Variants in SCN11A observed in about 807,000 individuals in gnomAD.
SCN11A encodes sodium channel protein type 11 subunit alpha.
In SCN11A, 122 loss-of-function variants were observed where a neutral mutation model predicts 162.2. The observed-to-expected ratio is 0.75, with a 90% CI of 0.65 to 0.87. The LOEUF is 0.87. Ranked by LOEUF, SCN11A falls within the 40% of genes least tolerant of loss-of-function variation. The probability of loss-of-function intolerance (pLI) is 0.00; values close to 1 mark genes in which losing one functional copy is unlikely to be tolerated. For missense variants in SCN11A, 2,015 were observed against 2,181.6 expected (o/e 0.92, Z 1.52); for synonymous variants, 758 against 751.5 (o/e 1.01, Z -0.14).
intron 21 of SCN11A, 130 bp from the exon 22 acceptor site, chr3:38,883,517 A>C (rs916020190): frequency 3.8e-6 from 3 of 790,712 alleles, no homozygotes; most frequent in Admixed American, 5.7e-5. Flanking sequence ...AAAGAAGTAG[A>C]GCATCTTTTT....
At chr3:39,010,632 C>A (rs2031104983) in intron 2 of SCN11A, among the ~76,000 whole-genome samples, 1 of 152,162 alleles carries the variant, frequency 6.6e-6, no homozygotes, top group Non-Finnish European at 1.5e-5. Context: ...CCCGCCTCGG[C>A]CTCCCAAAGT....
chr3:38,967,656 A>T (rs1471742262), intron 2 of SCN11A, among the ~76,000 whole-genome samples: 3 of 152,182 alleles, frequency 2.0e-5, no homozygotes, highest in African/African-American at 7.2e-5. Flanking sequence ...TATGCAAGGG[A>T]ACTGTCCACC....
In SCN11A at chr3:38,979,081, T is replaced by C. The variant is rs2029910428; in HGVS notation, c.-279-18658A>G. On this transcript the variant is annotated intron_variant, in intron 2 of 29. Transcript: ENST00000302328. The stretch of plus-strand genomic sequence containing the variant: ...TTCCCAGGGACAGTTTTGCATTTGT[T>C]TGTGAAATTGATTAGCCTCTGTTAT... 2.0e-5 allele frequency among the ~76,000 whole-genome samples: 3 copies of C among 152,234 alleles called. No individual in the cohort carries two copies. The South Asian group carries it at 6.2e-4, about 31-fold the overall frequency.
intron 7 of SCN11A, among the ~76,000 whole-genome samples, chr3:38,941,571 C>G (rs957914535): frequency 6.6e-6 from 1 of 152,140 alleles, no homozygotes; most frequent in Admixed American, 6.5e-5. Flanking sequence ...AAACAGGGGA[C>G]TAAACTGTGG....
chr3:38,893,362 T>C (rs1388360168), intron 19 of SCN11A, among the ~76,000 whole-genome samples: 1 of 152,118 alleles, frequency 6.6e-6, no homozygotes, highest in Non-Finnish European at 1.5e-5. Flanking sequence ...ACCCAAAATA[T>C]ATGAAATGAA....
chr3:38,962,809 C>G (rs1420760393), intron 2 of SCN11A, among the ~76,000 whole-genome samples: 2 of 151,938 alleles, frequency 1.3e-5, no homozygotes, highest in African/African-American at 4.8e-5. Context: ...TATCATGCCA[C>G]TTCACTCAAG....
chr3:38,925,335 G>A, intron 9 of SCN11A, 80 bp downstream of exon 9: 1 of 942,574 alleles, frequency 1.1e-6, no homozygotes, highest in Non-Finnish European at 1.6e-6. Flanking sequence ...TGGTTTACAT[G>A]ATGACATTTT....
At chr3:39,050,922 C>T (rs1287057867) in intron 1 of SCN11A, among the ~76,000 whole-genome samples, 1 of 152,062 alleles carries the variant, frequency 6.6e-6, no homozygotes, top group Non-Finnish European at 1.5e-5. Context: ...ATGCTATATC[C>T]CACAGTGTAG....
chr3:39,004,704 T>C (rs534508172), intron 2 of SCN11A, among the ~76,000 whole-genome samples: 1 of 152,300 alleles, frequency 6.6e-6, no homozygotes, highest in East Asian at 1.9e-4. Context: ...GATTTCTTTG[T>C]GCAGTGTTTT....
intron 7 of SCN11A, among the ~76,000 whole-genome samples, chr3:38,934,477 AAAC>A (rs2066296462): frequency 6.6e-6 from 1 of 152,024 alleles, no homozygotes; most frequent in African/African-American, 2.4e-5. Context: ...ATTCAGGAAA[AAAC>A]CCATCTCATG....
chr3:39,029,675 T>C lies in SCN11A; in HGVS notation c.-280+2705A>G, dbSNP rs17038345. The stretch of plus-strand genomic sequence containing the variant: ...TACTGAGTTGTTACCTTCTCATTCA[T>C]AGCAGTTCAGCAATGAAGATTTAAT... On this transcript the variant is annotated intron_variant, in intron 2 of 29. Coordinates refer to ENST00000302328, the MANE Select transcript of SCN11A (RefSeq NM_001349253.2). Among the ~76,000 whole-genome samples, 754 of 152,356 alleles carry C rather than the reference T, an allele frequency of 4.9e-3. 7 individuals are homozygous for C. Among genetic ancestry groups the C allele is most frequent in the African/African-American group, 0.016 (665 of 41,574 alleles).
At chr3:38,934,143 G>T (rs996201517) in intron 7 of SCN11A, among the ~76,000 whole-genome samples, 52 of 152,184 alleles carry the variant, frequency 3.4e-4, no homozygotes, top group Non-Finnish European at 7.1e-4. Flanking sequence ...AAGTGAAGGA[G>T]AAATAAAATC....
At chr3:38,933,875 G>A (rs1008632044) in intron 7 of SCN11A, among the ~76,000 whole-genome samples, 6 of 152,204 alleles carry the variant, frequency 3.9e-5, no homozygotes, top group Admixed American at 6.6e-5. Flanking sequence ...TACAGAGAAC[G>A]CCACAAAGAT....
At chr3:39,029,736 C>T (rs909690626) in intron 2 of SCN11A, among the ~76,000 whole-genome samples, 4 of 152,202 alleles carry the variant, frequency 2.6e-5, no homozygotes, top group Non-Finnish European at 4.4e-5. Context: ...GGACAGTCAC[C>T]ATGGCAACTG....
chr3:38,909,326 G>T, intron 12 of SCN11A, 132 bp from the exon 13 acceptor site: 1 of 722,648 alleles, frequency 1.4e-6, no homozygotes, highest in Non-Finnish European at 2.3e-6. Context: ...GTTGACCACA[G>T]ACCATATAGC....
intron 1 of SCN11A, among the ~76,000 whole-genome samples, chr3:39,041,039 G>T (rs143956617): frequency 3.3e-5 from 5 of 152,158 alleles, no homozygotes; most frequent in Non-Finnish European, 7.4e-5. Context: ...CTGAGATAGC[G>T]CCACTGCACT....
intron 22 of SCN11A, 121 bp from the exon 23 acceptor site, chr3:38,880,244 GT>G: frequency 1.5e-6 from 1 of 662,600 alleles, no homozygotes; most frequent in South Asian, 2.1e-5. Context: ...TCGTAATGAG[GT>G]TCTGCTCAAA....
At chr3:38,959,473 A>G (rs893084959) in intron 3 of SCN11A, among the ~76,000 whole-genome samples, 14 of 150,884 alleles carry the variant, frequency 9.3e-5, no homozygotes, top group African/African-American at 3.2e-4. Context: ...CAAGCTTCCA[A>G]CTGGGCTGGT....
chr3:38,945,321 A>T (rs953572554), intron 7 of SCN11A, 90 bp downstream of exon 7: 1 of 800,552 alleles, frequency 1.2e-6, no homozygotes, highest in African/African-American at 1.7e-5. Flanking sequence ...ATTATTAGTG[A>T]CTTTTTCTTT....
Sources: allele counts gnomAD v4.1 joint callset (sites outside exome capture counted in the v4.1 genomes callset), GRCh38; gene constraint gnomAD v4.1.1; transcripts MANE v1.5; gene names NCBI Gene and HGNC (gene_info 2026-07-23, HGNC 2026-07-21).